Variants in MAST3 observed in about 807,000 individuals in gnomAD.
The protein encoded by MAST3 is microtubule-associated serine/threonine-protein kinase 3.
MAST3 carries 43 observed loss-of-function variants against 127.0 expected under a neutral mutation model. The observed-to-expected ratio is 0.34, with a 90% CI of 0.27 to 0.44. MAST3 has a LOEUF of 0.44. MAST3 is among the 20% of genes least tolerant of loss of function. The probability of loss-of-function intolerance (pLI) is 1.00; values close to 1 mark genes in which losing one functional copy is unlikely to be tolerated. For missense variants in MAST3, 1,390 were observed against 1,919.1 expected (o/e 0.72, Z 5.15); for synonymous variants, 785 against 809.2 (o/e 0.97, Z 0.51).
chr19:18,100,478 G>A (rs73527227), intron 1 of MAST3, among the ~76,000 whole-genome samples: 145 of 152,074 alleles, frequency 9.5e-4, no homozygotes, highest in African/African-American at 3.3e-3. Flanking sequence ...CCATGATCAC[G>A]AGACCCTATC....
In MAST3 at chr19:18,114,851, A is replaced by T. The variant is rs566312717; in HGVS notation, c.161+4110A>T. Reference sequence around the variant, plus strand: ...AGGGCAGGAAGAATGTGGATTTTCTACCTAGGGCACTAGGAGCCATAGAGT... The same window carrying T: ...AGGGCAGGAAGAATGTGGATTTTCTTCCTAGGGCACTAGGAGCCATAGAGT... On this transcript the variant is annotated intron_variant, in intron 3 of 27. Transcript: ENST00000687212. Among the ~76,000 whole-genome samples, 10 of 152,160 alleles carry T rather than the reference A, an allele frequency of 6.6e-5. No individual in the cohort carries two copies. In the East Asian group the frequency reaches 1.9e-3, roughly 29 times the overall value.
Position 18,114,051 on chromosome 19 carries a change from C to T in MAST3, c.161+3310C>T, listed in dbSNP as rs1015659960. Among the ~76,000 whole-genome samples, 7 of 152,306 alleles carry T rather than the reference C, an allele frequency of 4.6e-5. No individual in the cohort carries two copies. In the East Asian group the frequency reaches 1.4e-3, roughly 29 times the overall value. On this transcript the variant is annotated intron_variant, in intron 3 of 27. Coordinates refer to ENST00000687212, the MANE Select transcript of MAST3 (RefSeq NM_001393504.1). ...GAGCTCTGTTCCCTCCTTTCTTCTT[C>T]CGTCACATCCTCATCAAGGCCTCAG...
At position 18,141,926 on chromosome 19, in the gene MAST3, C is replaced by G. The variant is rs779875880; in HGVS notation, c.2250C>G (p.Thr750=). The G allele has an allele frequency of 3.7e-5, 57 of 1,550,992 alleles. No individual in the cohort carries two copies. The South Asian group carries it at 7.0e-4, about 19-fold the overall frequency. The change falls in exon 21 of 28, where the codon ACC becomes ACG. Residue 750 remains threonine (T), a synonymous_variant. Transcript: ENST00000687212. ...SEFLAVQPTP[T]FAERSFSEDR... ...TCCTGGCCGTCCAGCCCACTCCTAC[C>G]TTCGCTGAAAGGAGCTTCAGTGAAG...
chr19:18,109,674 C>T (rs1034076538), intron 2 of MAST3, among the ~76,000 whole-genome samples: 1 of 151,990 alleles, frequency 6.6e-6, no homozygotes, highest in Admixed American at 6.6e-5. Flanking sequence ...GGAGGAGGGG[C>T]TGGTGGGGTT....
Position 18,131,949 on chromosome 19 carries a change from G to A in MAST3, c.1473G>A (p.Leu491=), listed in dbSNP as rs201215688. ...CGCTCCTGAAGAACATGGGCCCGCT[G>A]CCCGTGGACATGGCCCGCCTGTACT... is the stretch of plus-strand genomic sequence containing the variant. ...CATLLKNMGP[L]PVDMARLYFA... The change falls in exon 15 of 28, where the codon CTG becomes CTA. Residue 491 remains leucine, a synonymous_variant. Coordinates refer to ENST00000687212, the MANE Select transcript of MAST3 (RefSeq NM_001393504.1). 2.0e-5 allele frequency: 33 copies of A among 1,612,376 alleles called. No individual in the cohort carries two copies. The African/African-American group carries it at 2.8e-4, about 14-fold the overall frequency.
At position 18,146,911 on chromosome 19, in the gene MAST3, G is replaced by C. The variant is rs1294246878; in HGVS notation, c.3193G>C (p.Ala1065Pro). The change falls in exon 26 of 28, where the codon GCC becomes CCC. Residue 1065 changes from alanine to proline, a missense_variant. Ala to Pro is a conservative substitution (Grantham distance 27, BLOSUM62 -1). This residue lies in a region of MAST3 where 816 missense variants were observed against 934.1 expected (regional missense o/e 0.87). Transcript: ENST00000687212. ...CAACAAGATATCCCTGCGGACCACA[G>C]CCCTGGAGAACACCTCCATCAAGGT... ...SGNKISLRTTALENTSIKVGP... is the reference protein window; with the variant it reads ...SGNKISLRTTPLENTSIKVGP... The C allele has an allele frequency of 6.4e-7, 1 of 1,557,332 alleles. No homozygotes were observed. The highest frequency in any genetic ancestry group is 1.9e-5 in the Admixed American group (1 of 51,590).
chr19:18,124,986 A>G (rs1379834148), intron 11 of MAST3, among the ~76,000 whole-genome samples: 2 of 148,932 alleles, frequency 1.3e-5, no homozygotes, highest in Admixed American at 1.3e-4. Context: ...GCATGCCTGT[A>G]ATCCCAGCTA....
chr19:18,149,839 C>T lies in MAST3; in HGVS notation c.*113C>T, dbSNP rs1390624205. On this transcript the variant is annotated 3_prime_UTR_variant, in exon 28 of 28. Transcript: ENST00000687212. The surrounding 1 kb of genome is among the most constrained non-coding windows in gnomAD (Gnocchi z 5.9). ...AGCCACCAGCCTGACACCCAGAAGG[C>T]GAGAAGCCATCTCGGTCCTTGCTGG... 26 of 1,464,658 alleles carry T rather than the reference C, an allele frequency of 1.8e-5. No homozygotes were observed. Among genetic ancestry groups the T allele is most frequent in the East Asian group, 2.4e-5 (1 of 41,356 alleles). 90.7% of individuals were successfully genotyped at this position (1,464,658 alleles called of 1,614,324 possible). A position where few individuals can be genotyped will look rare whatever the true frequency, so the allele number is the denominator to read the frequency against.
rs2041374473 is a variant in MAST3, at chr19:18,132,137, T to G, written c.1571+90T>G. On this transcript the variant is annotated intron_variant, in intron 15 of 27. Transcript: ENST00000687212. ...CCAAAGAGGATCAGGGCAGAGCCTC[T>G]GAGGTGCATCCCGGGACCCTTCAGG... 5 of 1,543,984 alleles carry G rather than the reference T, an allele frequency of 3.2e-6. No homozygotes were observed. The Admixed American group carries it at 9.2e-5, about 28-fold the overall frequency.
chr19:18,118,010 C>T (rs2039489469), intron 3 of MAST3: 1 of 663,670 alleles, frequency 1.5e-6, no homozygotes, highest in Non-Finnish European at 1.9e-6. Context: ...TCCAGTCGCG[C>T]TCGGGGGCGC....
In MAST3 at chr19:18,143,899, G is replaced by C. The variant is rs1360326413; in HGVS notation, c.2476G>C (p.Gly826Arg). ...GTTTGCCTTCTCATCAGAGGATGAG[G>C]GGGTAGGCCCAGGCCCTGCAGGCCC... ...PKFAFSSEDE[G>R]VGPGPAGPKR... Residue 826 changes from glycine (G) to arginine (R), a missense_variant, in exon 22 of 28, where the codon GGG becomes CGG. Physicochemically the swap from Gly to Arg is moderately radical, Grantham distance 125. Coordinates refer to ENST00000687212, the MANE Select transcript of MAST3 (RefSeq NM_001393504.1). The C allele has an allele frequency of 2.5e-6, 4 of 1,613,844 alleles. No individual in the cohort carries two copies. The highest frequency in any genetic ancestry group is 2.7e-5 in the African/African-American group (2 of 75,064).
chr19:18,122,626 C>T, intron 5 of MAST3, 47 bp from the exon 6 acceptor site: 8 of 1,542,912 alleles, frequency 5.2e-6, no homozygotes, highest in Non-Finnish European at 7.1e-6. Flanking sequence ...CCCCACAAAC[C>T]ACAGGGGCCA....
In MAST3 at chr19:18,106,966, A is replaced by ATT. The variant is rs60298417; in HGVS notation, c.40-592_40-591dup. ...CAGGCTTGAGCCACCATGCCCAGCA[A>ATT]TTTTTTTTTTTTTTTTTTTTTTTTT... On this transcript the variant is annotated intron_variant, in intron 1 of 27. Transcript: ENST00000687212. Among the ~76,000 whole-genome samples, 326 of 73,938 alleles carry ATT rather than the reference A, an allele frequency of 4.4e-3. 30 individuals carry two copies. Among genetic ancestry groups the ATT allele is most frequent in the African/African-American group, 0.013 (213 of 16,002 alleles). The allele number at this position is 73,938 out of a possible 152,430, so 48.5% of individuals were successfully genotyped here.
chr19:18,107,741 C>A, intron 2 of MAST3, 123 bp downstream of exon 2: 3 of 1,086,342 alleles, frequency 2.8e-6, no homozygotes, highest in Middle Eastern at 2.0e-4. Flanking sequence ...CATGTTCATT[C>A]TTGCCCTCGT....
intron 21 of MAST3, 90 bp from the exon 22 acceptor site, chr19:18,143,673 A>G (rs1161723358): frequency 2.6e-6 from 4 of 1,521,752 alleles, no homozygotes; most frequent in Non-Finnish European, 3.6e-6. Context: ...TTGACTGCAG[A>G]CTGAGAGTTA....
chr19:18,111,014 G>T (rs984906702), intron 3 of MAST3, among the ~76,000 whole-genome samples: 1 of 152,116 alleles, frequency 6.6e-6, no homozygotes, highest in Non-Finnish European at 1.5e-5. Flanking sequence ...GACAGGTGCC[G>T]GATTCCCAAG....
intron 3 of MAST3, among the ~76,000 whole-genome samples, chr19:18,115,340 G>A (rs2039098473): frequency 6.6e-6 from 1 of 152,080 alleles, no homozygotes; most frequent in Non-Finnish European, 1.5e-5. Flanking sequence ...CAGGGCAGTG[G>A]GTGTATGTAA....
Position 18,147,050 on chromosome 19 carries a change from C to T in MAST3, c.3326+6C>T. The stretch of plus-strand genomic sequence containing the variant: ...GCAGTGACCACCAGGGAGCGGTACA[C>T]AGGGGGCGGGGCCACGGGGACTGGG... On this transcript the variant is annotated splice_donor_region_variant and intron_variant, in intron 26 of 27. Transcript: ENST00000687212. The T allele has an allele frequency of 1.3e-6, 2 of 1,544,256 alleles. No homozygotes were observed. Among genetic ancestry groups the T allele is most frequent in the Non-Finnish European group, 1.7e-6 (2 of 1,144,550 alleles).
rs892961386 is a variant in MAST3, at chr19:18,110,995, C to CT, written c.161+256dup. On this transcript the variant is annotated intron_variant, in intron 3 of 27. Transcript: ENST00000687212. This position sits in a 1 kb window ranked among gnomAD's most constrained non-coding sequence, Gnocchi z 4.3. ...AAGAACTTAAGCTGTTGCCCAAGGA[C>CT]TTCGCCAAGACAGGTGCCGGATTCC... is the stretch of plus-strand genomic sequence containing the variant. Among the ~76,000 whole-genome samples, 2 of 152,306 alleles carry CT rather than the reference C, an allele frequency of 1.3e-5. No homozygotes were observed. The highest frequency in any genetic ancestry group is 1.3e-4 in the Admixed American group (2 of 15,292).
Sources: gnomAD v4.1 joint callset for allele counts (sites outside exome capture counted in the v4.1 genomes callset) on GRCh38, gnomAD v4.1.1 for gene constraint, gnomAD v4.1.1 regional missense constraint, Gnocchi (gnomAD v3.1) non-coding constraint, MANE v1.5 for transcripts, NCBI Gene and HGNC (gene_info 2026-07-23, HGNC 2026-07-21) for gene names.